Variants in FDX1 observed in about 807,000 individuals in gnomAD.
The protein encoded by FDX1 is adrenodoxin, mitochondrial.
FDX1 carries 9 observed loss-of-function variants against 14.9 expected under a neutral mutation model. That is an observed-to-expected ratio of 0.60 (90% CI 0.36 to 1.05). FDX1 has a LOEUF of 1.05. Ranked by LOEUF, FDX1 falls within the 50% of genes least tolerant of loss-of-function variation. FDX1 has a pLI of 0.01. For synonymous variants in FDX1, 92 were observed against 99.4 expected, an observed-to-expected ratio of 0.93 and a Z score of 0.44; for missense variants, 204 against 237.2, an observed-to-expected ratio of 0.86 and a Z score of 0.92.
chr11:110,431,129 A>G (rs1187470790), intron 1 of FDX1, among the ~76,000 whole-genome samples: 1 of 143,550 alleles, frequency 7.0e-6, no homozygotes, highest in African/African-American at 2.6e-5. Flanking sequence ...CAGCAGCAGC[A>G]GCAGCAGCTT....
intron 3 of FDX1, among the ~76,000 whole-genome samples, chr11:110,458,818 G>T (rs1306887598): frequency 2.6e-5 from 4 of 152,088 alleles, no homozygotes; most frequent in Non-Finnish European, 5.9e-5. Flanking sequence ...ATGTTGGCCA[G>T]GCTGTCTCGA....
At chr11:110,457,867 A>G (rs755876993) in intron 3 of FDX1, among the ~76,000 whole-genome samples, 1 of 152,188 alleles carries the variant, frequency 6.6e-6, no homozygotes, top group Non-Finnish European at 1.5e-5. Flanking sequence ...GTATTTATTT[A>G]GAGAAGAAGA....
At chr11:110,444,669 TATATATATATATATAC>T (rs1946429011) in intron 2 of FDX1, among the ~76,000 whole-genome samples, 5 of 66,074 alleles carry the variant, frequency 7.6e-5, no homozygotes, top group Non-Finnish European at 1.3e-4. Context: ...TATATACGTA[TATATATATATATATAC>T]ACGTATATAT....
At chr11:110,434,602 G>A (rs1252635969) in intron 1 of FDX1, among the ~76,000 whole-genome samples, 2 of 151,908 alleles carry the variant, frequency 1.3e-5, no homozygotes, top group South Asian at 2.1e-4. Flanking sequence ...CAAAGTGTTG[G>A]AATTACAGGC....
intron 2 of FDX1, among the ~76,000 whole-genome samples, chr11:110,441,076 C>T (rs1034273867): frequency 2.6e-5 from 4 of 152,224 alleles, no homozygotes; most frequent in Non-Finnish European, 5.9e-5. Flanking sequence ...AAGCTCTCTG[C>T]ATGCCTGCTG....
intron 2 of FDX1, among the ~76,000 whole-genome samples, chr11:110,444,728 A>ATATATG (rs1565382037): frequency 2.1e-4 from 14 of 67,580 alleles, no homozygotes; most frequent in African/African-American, 9.1e-4. Flanking sequence ...ATATACGTAT[A>ATATATG]TATATATATA....
At chr11:110,443,042 G>C (rs1212654557) in intron 2 of FDX1, among the ~76,000 whole-genome samples, 1 of 152,148 alleles carries the variant, frequency 6.6e-6, no homozygotes, top group East Asian at 1.9e-4. Context: ...GTTCCTCGTT[G>C]CCTTCTGCCA....
In FDX1 at chr11:110,464,504, A is replaced by G. The variant is rs974173283; in HGVS notation, c.*2036A>G. The G allele has an allele frequency of 3.9e-5, 6 of 152,204 alleles. No individual in the cohort carries two copies. The highest frequency in any genetic ancestry group is 7.3e-5 in the Non-Finnish European group (5 of 68,048). The allele number at this position is 152,204 out of a possible 1,614,324, so 9.4% of individuals were successfully genotyped here. A position where few individuals can be genotyped will look rare whatever the true frequency, so the allele number is the denominator to read the frequency against. On this transcript the variant is annotated 3_prime_UTR_variant, in exon 4 of 4. Transcript: ENST00000260270. ...CTGACATAACTAACCCACACCTGAG[A>G]TAACGGCATTAATCCATTCATGAGG...
chr11:110,444,721 T>TATATATAC (rs1946435686), intron 2 of FDX1, among the ~76,000 whole-genome samples: 1 of 53,052 alleles, frequency 1.9e-5, no homozygotes, highest in African/African-American at 8.9e-5. Context: ...TATATATATA[T>TATATATAC]ACGTATATAT....
rs1565386785 is a variant in FDX1 at position 110,463,472 on chromosome 11, A to C, written c.*1004A>C. The C allele has an allele frequency of 6.6e-6, 1 of 152,256 alleles. No homozygotes were observed. The highest frequency in any genetic ancestry group is 1.5e-5 in the Non-Finnish European group (1 of 68,054). 9.4% of individuals were successfully genotyped at this position (152,256 alleles called of 1,614,324 possible). A position where few individuals can be genotyped will look rare whatever the true frequency, so the allele number is the denominator to read the frequency against. ...CATTCGTACTCTTATCTTTACTATA[A>C]ATAAATTCATAAAAGTTAACAAAGG... On this transcript the variant is annotated 3_prime_UTR_variant, in exon 4 of 4. Transcript: ENST00000260270.
At chr11:110,449,592 C>T (rs1946473581) in intron 2 of FDX1, among the ~76,000 whole-genome samples, 1 of 152,112 alleles carries the variant, frequency 6.6e-6, no homozygotes, top group South Asian at 2.1e-4. Flanking sequence ...TTATTAACTG[C>T]AGTCACCATG....
intron 2 of FDX1, among the ~76,000 whole-genome samples, chr11:110,448,223 C>G (rs1473735975): frequency 6.6e-6 from 1 of 152,122 alleles, no homozygotes; most frequent in African/African-American, 2.4e-5. Context: ...GGAAATTATA[C>G]AAATTGGAAG....
chr11:110,446,727 C>T (rs775794296), intron 2 of FDX1, among the ~76,000 whole-genome samples: 25 of 152,230 alleles, frequency 1.6e-4, no homozygotes, highest in Non-Finnish European at 2.8e-4. Flanking sequence ...CCAAGATTCG[C>T]CTCCAGCATG....
chr11:110,453,761 T>C (rs1946502316), intron 2 of FDX1, among the ~76,000 whole-genome samples: 1 of 152,198 alleles, frequency 6.6e-6, no homozygotes, highest in South Asian at 2.1e-4. Context: ...GCCCTGACCA[T>C]GGCAAGGACA....
rs558252474 is a variant in FDX1, at chr11:110,464,099, G to A, written c.*1631G>A. 6.6e-6 allele frequency: 1 copy of A among 151,884 alleles called. No homozygotes were observed. The highest frequency in any genetic ancestry group is 1.5e-5 in the Non-Finnish European group (1 of 67,974). 9.4% of individuals were successfully genotyped at this position (151,884 alleles called of 1,614,324 possible). ...GGCTAATTTTTGTATTTTTTCTAGGGACAGGGTTTTACCACGTTGCCCAGG... is the reference window on the plus strand; with the variant it reads ...GGCTAATTTTTGTATTTTTTCTAGGAACAGGGTTTTACCACGTTGCCCAGG... On this transcript the variant is annotated 3_prime_UTR_variant, in exon 4 of 4. Coordinates refer to ENST00000260270, the MANE Select transcript of FDX1 (RefSeq NM_004109.5).
At chr11:110,457,154 G>A in intron 3 of FDX1, 107 bp downstream of exon 3, 1 of 950,654 alleles carries the variant, frequency 1.1e-6, no homozygotes. Context: ...TGTTCTACCA[G>A]GTTAAATAAC....
intron 2 of FDX1, among the ~76,000 whole-genome samples, chr11:110,452,317 G>T (rs1946491749): frequency 6.6e-6 from 1 of 152,050 alleles, no homozygotes. Context: ...CAGACTGGGA[G>T]AAAATACTTG....
chr11:110,464,248 G>C lies in FDX1; in HGVS notation c.*1780G>C, dbSNP rs1227978372. 1 of 152,096 alleles carries C rather than the reference G, an allele frequency of 6.6e-6. No individual in the cohort carries two copies. The highest frequency in any genetic ancestry group is 1.9e-4 in the East Asian group (1 of 5,194). The allele number at this position is 152,096 out of a possible 1,614,324, so 9.4% of individuals were successfully genotyped here. ...AATGCTTTCTATGTGGAGAGTGCTT[G>C]TCTTAATTTTCTGTTGCTATAATAG... On this transcript the variant is annotated 3_prime_UTR_variant, in exon 4 of 4. Coordinates refer to ENST00000260270, the MANE Select transcript of FDX1 (RefSeq NM_004109.5).
At chr11:110,438,464 C>T (rs1270091826) in intron 2 of FDX1, among the ~76,000 whole-genome samples, 4 of 152,086 alleles carry the variant, frequency 2.6e-5, no homozygotes, top group Non-Finnish European at 4.4e-5. Flanking sequence ...GTCTCACTGT[C>T]ACCCAGGCTG....
Sources: allele counts gnomAD v4.1 joint callset (sites outside exome capture counted in the v4.1 genomes callset), GRCh38; gene constraint gnomAD v4.1.1; transcripts MANE v1.5; gene names NCBI Gene and HGNC (gene_info 2026-07-23, HGNC 2026-07-21).